Variants in ABLIM1 observed in about 807,000 individuals in gnomAD.
ABLIM1 encodes actin binding LIM protein 1, also known as actin-binding LIM protein 1.
In ABLIM1, 40 loss-of-function variants were observed where a neutral mutation model predicts 107.0. The observed-to-expected ratio is 0.37, with a 90% confidence interval of 0.29 to 0.49. ABLIM1 has a LOEUF of 0.49. Among genes scored for constraint, ABLIM1 ranks in the 20% least tolerant of loss-of-function variants. ABLIM1 has a pLI of 0.97. For synonymous variants in ABLIM1, 357 were observed against 357.3 expected, an observed-to-expected ratio of 1.00 and a Z score of 0.01; for missense variants, 857 against 1,008.5, an observed-to-expected ratio of 0.85 and a Z score of 2.04.
intron 6 of ABLIM1, among the ~76,000 whole-genome samples, chr10:114,532,046 C>A (rs2065504490): frequency 6.6e-6 from 1 of 152,142 alleles, no homozygotes; most frequent in Non-Finnish European, 1.5e-5. Flanking sequence ...AACTCCTGGC[C>A]TCAAGTGATC....
intron 1 of ABLIM1, among the ~76,000 whole-genome samples, chr10:114,608,994 G>T (rs2140177021): frequency 6.6e-6 from 1 of 151,428 alleles, no homozygotes; most frequent in African/African-American, 2.4e-5. Flanking sequence ...TAGCCTGGGT[G>T]AGACTCTGCC....
intron 1 of ABLIM1, among the ~76,000 whole-genome samples, chr10:114,712,353 G>GAAAAA (rs10583793): frequency 2.1e-3 from 94 of 44,028 alleles, no homozygotes; most frequent in Non-Finnish European, 3.0e-3. Flanking sequence ...ACTCCGTCTC[G>GAAAAA]AAAAAAAAAA....
intron 6 of ABLIM1, among the ~76,000 whole-genome samples, chr10:114,530,603 G>A (rs776332505): frequency 5.3e-5 from 8 of 152,022 alleles, no homozygotes; most frequent in African/African-American, 1.2e-4. Context: ...GGGTGATCTC[G>A]GCTTACTGCA....
intron 1 of ABLIM1, among the ~76,000 whole-genome samples, chr10:114,712,537 A>T (rs2141963595): frequency 6.6e-6 from 1 of 152,256 alleles, no homozygotes; most frequent in South Asian, 2.1e-4. Flanking sequence ...ACCCTCAGTT[A>T]CATTAGCTGT....
intron 6 of ABLIM1, among the ~76,000 whole-genome samples, chr10:114,513,701 A>C (rs1280044392): frequency 6.6e-6 from 1 of 152,196 alleles, no homozygotes; most frequent in Non-Finnish European, 1.5e-5. Flanking sequence ...GGAATGAAAG[A>C]ACCACCAAAT....
intron 1 of ABLIM1, among the ~76,000 whole-genome samples, chr10:114,647,612 CT>C (rs1247185153): frequency 6.6e-6 from 1 of 152,208 alleles, no homozygotes; most frequent in African/African-American, 2.4e-5. Flanking sequence ...AGCTATTTGA[CT>C]TTTCTTCCCC....
At chr10:114,627,128 T>C (rs192235942) in intron 1 of ABLIM1, among the ~76,000 whole-genome samples, 1 of 152,352 alleles carries the variant, frequency 6.6e-6, no homozygotes, top group Non-Finnish European at 1.5e-5. Flanking sequence ...CCTGAGCTAC[T>C]TGGACTCAAA....
intron 1 of ABLIM1, among the ~76,000 whole-genome samples, chr10:114,733,660 T>C (rs1180904743): frequency 6.6e-6 from 1 of 152,168 alleles, no homozygotes; most frequent in African/African-American, 2.4e-5. Context: ...CCAGATTCAG[T>C]ATTCTTATAA....
chr10:114,556,601 T>C (rs2483540), intron 4 of ABLIM1, among the ~76,000 whole-genome samples: 56,672 of 152,092 alleles, frequency 0.37, 13,900 homozygotes, highest in African/African-American at 0.7. Context: ...GCAGCAGTTT[T>C]GACATCTTTG....
chr10:114,756,477 C>A (rs148649772), intron 1 of ABLIM1, among the ~76,000 whole-genome samples: 123 of 152,084 alleles, frequency 8.1e-4, no homozygotes, highest in African/African-American at 2.9e-3. Flanking sequence ...AATTTTATTT[C>A]TTTTATGCCG....
intron 8 of ABLIM1, among the ~76,000 whole-genome samples, chr10:114,479,962 G>C (rs1255311407): frequency 6.6e-6 from 1 of 152,078 alleles, no homozygotes; most frequent in East Asian, 1.9e-4. Context: ...ATCTTCAAAA[G>C]GCTCAGAGCT....
upstream of ABLIM1, among the ~76,000 whole-genome samples, chr10:114,659,233 G>A (rs1359347718): frequency 2.0e-5 from 3 of 152,070 alleles, no homozygotes; most frequent in Non-Finnish European, 4.4e-5. Context: ...CCATCTGCAG[G>A]TGCGGTTGCT....
intron 1 of ABLIM1, among the ~76,000 whole-genome samples, chr10:114,640,324 C>T (rs1470748785): frequency 5.9e-5 from 9 of 152,164 alleles, no homozygotes; most frequent in African/African-American, 1.2e-4. Context: ...GCCAGGAGTT[C>T]GAGACCAGCC....
At chr10:114,614,944 A>G (rs2483598) in intron 1 of ABLIM1, among the ~76,000 whole-genome samples, 97,923 of 151,470 alleles carry the variant, frequency 0.65, 31,989 homozygotes, top group South Asian at 0.75. Context: ...CAGCTACTTG[A>G]GAGGCTGAAG....
At chr10:114,695,188 G>A (rs1038659527) in intron 1 of ABLIM1, among the ~76,000 whole-genome samples, 4 of 152,228 alleles carry the variant, frequency 2.6e-5, no homozygotes, top group African/African-American at 7.2e-5. Context: ...CTGTTAAGCA[G>A]ATGCCCCTTT....
intron 6 of ABLIM1, among the ~76,000 whole-genome samples, chr10:114,521,704 T>C (rs2063766947): frequency 6.6e-6 from 1 of 151,948 alleles, no homozygotes; most frequent in Admixed American, 6.6e-5. Context: ...TCCCTCCCAT[T>C]CATCCATCCT....
At chr10:114,620,003 AC>A (rs2077365914) in intron 1 of ABLIM1, among the ~76,000 whole-genome samples, 1 of 152,110 alleles carries the variant, frequency 6.6e-6, no homozygotes. Context: ...ACCCAAACAT[AC>A]CTATTATCAC....
chr10:114,678,328 T>C (rs2080584256), intron 1 of ABLIM1, among the ~76,000 whole-genome samples: 1 of 152,228 alleles, frequency 6.6e-6, no homozygotes. Flanking sequence ...TGTTGGCAAA[T>C]TTATTGAACA....
chr10:114,721,372 G>A (rs1384987996), intron 1 of ABLIM1, among the ~76,000 whole-genome samples: 1 of 152,174 alleles, frequency 6.6e-6, no homozygotes, highest in African/African-American at 2.4e-5. Context: ...GAGCATGTAT[G>A]TCTAAGGAGG....
Sources: gnomAD v4.1 joint callset for allele counts (sites outside exome capture counted in the v4.1 genomes callset) on GRCh38, gnomAD v4.1.1 for gene constraint, MANE v1.5 for transcripts, NCBI Gene and HGNC (gene_info 2026-07-23, HGNC 2026-07-21) for gene names.